The following SHANK2 variants were observed in gnomAD, a reference collection of about 807,000 sequenced individuals.
SHANK2 encodes SH3 and multiple ankyrin repeat domains 2, also known as SH3 and multiple ankyrin repeat domains protein 2.
Under a neutral mutation model 133.7 loss-of-function variants are expected in SHANK2, and 43 were observed. That is an observed-to-expected ratio of 0.32 (90% confidence interval 0.25 to 0.41). The LOEUF (loss-of-function observed/expected upper bound fraction) is 0.41. Among genes scored for constraint, SHANK2 ranks in the 10% least tolerant of loss-of-function variants. The pLI is 1.00. For missense variants in SHANK2, 1,994 were observed against 2,235.8 expected (o/e 0.89, Z 2.18); for synonymous variants, 1,017 against 952.8 (o/e 1.07, Z -1.24).
intron 17 of SHANK2, among the ~76,000 whole-genome samples, chr11:70,533,218 ATGG>A (rs1226934326): frequency 2.0e-5 from 3 of 152,118 alleles, no homozygotes; most frequent in African/African-American, 7.2e-5. Context: ...ACACTTTTGA[ATGG>A]TGAATTTTAT....
chr11:70,595,502 G>A lies in SHANK2; in HGVS notation c.2061+64326C>T, dbSNP rs376269041. Among the ~76,000 whole-genome samples the A allele has an allele frequency of 1.3e-4, 20 of 152,220 alleles. No homozygotes were observed. In the East Asian group the frequency reaches 3.1e-3, roughly 24 times the overall value. The stretch of plus-strand genomic sequence containing the variant: ...GGCTCACTCTCTCTGAAAACCACAC[G>A]CTGGCCCAGACAACCCTCTGCGAAG... On this transcript the variant is annotated intron_variant, in intron 17 of 25. Transcript: ENST00000601538.
intron 1 of SHANK2, among the ~76,000 whole-genome samples, chr11:71,241,161 CCGGGGAAGCCCCG>C (rs1185576257): frequency 6.6e-6 from 1 of 152,166 alleles, no homozygotes; most frequent in Non-Finnish European, 1.5e-5. Context: ...AAGGAGGTAC[CCGGGGAAGCCCCG>C]CCAGCCCTGC....
intron 15 of SHANK2, among the ~76,000 whole-genome samples, chr11:70,671,800 C>T (rs1174853266): frequency 1.3e-5 from 2 of 152,104 alleles, no homozygotes; most frequent in African/African-American, 2.4e-5. Context: ...TGCCAGGATG[C>T]CTCCCTGTGC....
At chr11:70,733,841 A>G (rs1555032833) in intron 14 of SHANK2, among the ~76,000 whole-genome samples, 1 of 152,220 alleles carries the variant, frequency 6.6e-6, no homozygotes, top group African/African-American at 2.4e-5. Context: ...GTGCAGGCAC[A>G]GGGAACGGTG....
chr11:71,072,401 G>A (rs1381774387), intron 9 of SHANK2, among the ~76,000 whole-genome samples: 2 of 152,226 alleles, frequency 1.3e-5, no homozygotes, highest in African/African-American at 4.8e-5. Flanking sequence ...GCCTCCCAGA[G>A]GGCAGGGCTC....
At position 70,486,813 on chromosome 11, in the gene SHANK2, G is replaced by A. The variant is rs782573196; in HGVS notation, c.3480C>T (p.Gly1160=). 2.5e-6 allele frequency: 4 copies of A among 1,612,336 alleles called. No individual in the cohort carries two copies. The highest frequency in any genetic ancestry group is 1.3e-5 in the African/African-American group (1 of 75,044). The stretch of plus-strand genomic sequence containing the variant: ...CCTCACCCGGAGCACTGGCCTCGGC[G>A]CCACCCACGAAATGGTTTTCGGGCT... ...PREPENHFVG[G]AEASAPGEAG... The change falls in exon 25 of 26, where the codon GGC becomes GGT. Residue 1160 remains glycine, a synonymous_variant. Transcript: ENST00000601538. The surrounding 1 kb of genome is among the most constrained non-coding windows in gnomAD (Gnocchi z 8.0).
At chr11:70,851,881 C>T (rs370455137) in intron 11 of SHANK2, among the ~76,000 whole-genome samples, 94 of 152,146 alleles carry the variant, frequency 6.2e-4, no homozygotes, top group African/African-American at 1.6e-3. Flanking sequence ...CAGAGCCTCC[C>T]GGCCCCCAGG....
At chr11:71,233,535 T>C (rs1954778914) in intron 1 of SHANK2, among the ~76,000 whole-genome samples, 1 of 152,176 alleles carries the variant, frequency 6.6e-6, no homozygotes, top group Admixed American at 6.5e-5. Flanking sequence ...AATAAACATG[T>C]TCCTAAATCG....
chr11:70,818,569 G>A (rs1318659675), intron 12 of SHANK2, among the ~76,000 whole-genome samples: 1 of 152,208 alleles, frequency 6.6e-6, no homozygotes, highest in Non-Finnish European at 1.5e-5. Flanking sequence ...CTAAGTGTGT[G>A]AAGTGGAATT....
At chr11:70,917,150 A>C (rs1950282804) in intron 10 of SHANK2, among the ~76,000 whole-genome samples, 2 of 152,192 alleles carry the variant, frequency 1.3e-5, no homozygotes, top group African/African-American at 4.8e-5. Context: ...ACATCACAGG[A>C]AGTTAAGGAT....
intron 2 of SHANK2, among the ~76,000 whole-genome samples, chr11:71,198,096 G>A (rs1953944737): frequency 6.6e-6 from 1 of 152,130 alleles, no homozygotes; most frequent in Non-Finnish European, 1.5e-5. Context: ...GCTTGAGTTT[G>A]CATTTTTGCC....
chr11:70,745,069 A>G (rs1167415338), intron 14 of SHANK2, among the ~76,000 whole-genome samples: 1 of 152,234 alleles, frequency 6.6e-6, no homozygotes, highest in Non-Finnish European at 1.5e-5. Context: ...AGCCGCCCCA[A>G]GCGGCCAGGA....
chr11:70,907,743 A>G (rs1434682460), intron 10 of SHANK2: 4 of 300,060 alleles, frequency 1.3e-5, no homozygotes, highest in Admixed American at 8.5e-5. Context: ...CAGTTGCAGG[A>G]TCGGATTTTG....
chr11:70,544,681 G>A (rs1432302024), intron 17 of SHANK2, among the ~76,000 whole-genome samples: 1 of 152,222 alleles, frequency 6.6e-6, no homozygotes, highest in African/African-American at 2.4e-5. Context: ...CACCTCTGCA[G>A]GGACACAGGT....
At chr11:70,549,036 G>GC (rs1302895628) in intron 17 of SHANK2, among the ~76,000 whole-genome samples, 1 of 152,140 alleles carries the variant, frequency 6.6e-6, no homozygotes, top group Non-Finnish European at 1.5e-5. Flanking sequence ...CAGACTGCTA[G>GC]CCCCCAAACT....
chr11:71,076,140 G>C (rs1011702958), intron 8 of SHANK2, among the ~76,000 whole-genome samples: 1 of 152,166 alleles, frequency 6.6e-6, no homozygotes, highest in South Asian at 2.1e-4. Context: ...GGAGGTCCCC[G>C]CACAGGTGAT....
At chr11:71,105,095 C>A (rs1179990219) in intron 6 of SHANK2, among the ~76,000 whole-genome samples, 1 of 152,096 alleles carries the variant, frequency 6.6e-6, no homozygotes, top group Non-Finnish European at 1.5e-5. Context: ...CTTTAGGAGG[C>A]AAGTGGATAA....
At chr11:70,828,136 T>G (rs1555057594) in intron 11 of SHANK2, among the ~76,000 whole-genome samples, 2 of 152,008 alleles carry the variant, frequency 1.3e-5, no homozygotes, top group Non-Finnish European at 2.9e-5. Flanking sequence ...TTAAAAACAT[T>G]AGCCGGGTGT....
chr11:70,838,508 T>G (rs1948857540), intron 11 of SHANK2, among the ~76,000 whole-genome samples: 1 of 152,114 alleles, frequency 6.6e-6, no homozygotes, highest in Non-Finnish European at 1.5e-5. Context: ...CCCGTGGAGG[T>G]GCAATCTGAG....
Sources: gnomAD v4.1 joint callset for allele counts (sites outside exome capture counted in the v4.1 genomes callset) on GRCh38, gnomAD v4.1.1 for gene constraint, Gnocchi (gnomAD v3.1) non-coding constraint, MANE v1.5 for transcripts, NCBI Gene and HGNC (gene_info 2026-07-23, HGNC 2026-07-21) for gene names.